PTPN12: variants seen among roughly 807,000 people sequenced by gnomAD.
The protein encoded by PTPN12 is tyrosine-protein phosphatase non-receptor type 12.
Under a neutral mutation model 97.6 loss-of-function variants are expected in PTPN12, and 29 were observed. The ratio of observed to expected loss-of-function variants is 0.30; its 90% CI spans 0.22 to 0.41. The LOEUF is 0.41. Ranked by LOEUF, PTPN12 falls within the 10% of genes least tolerant of loss-of-function variation. The probability of loss-of-function intolerance (pLI) is 1.00; values close to 1 mark genes in which losing one functional copy is unlikely to be tolerated. For missense variants in PTPN12, 819 were observed against 926.0 expected, an observed-to-expected ratio of 0.88 and a Z score of 1.50; for synonymous variants, 327 against 300.4, an observed-to-expected ratio of 1.09 and a Z score of -0.91.
chr7:77,537,655 T>C lies in PTPN12; in HGVS notation c.99+10T>C. ...CGCCCGGGACTTCATGGTGAGTCTC[T>C]CCCCTCGCTGTCGCGTTTTCTTGCC... On this transcript the variant is annotated intron_variant, in intron 1 of 17. Transcript: ENST00000248594. The C allele has an allele frequency of 7.6e-6, 12 of 1,582,262 alleles. No homozygotes were observed. The highest frequency in any genetic ancestry group is 1.0e-5 in the Non-Finnish European group (12 of 1,165,992).
At chr7:77,635,529 T>C (rs1789558046) in intron 14 of PTPN12, among the ~76,000 whole-genome samples, 1 of 152,224 alleles carries the variant, frequency 6.6e-6, no homozygotes, top group African/African-American at 2.4e-5. Context: ...ACATTATCTA[T>C]AGACTGTAAT....
intron 9 of PTPN12, among the ~76,000 whole-genome samples, chr7:77,609,485 G>A (rs906393787): frequency 3.0e-4 from 46 of 151,410 alleles, no homozygotes; most frequent in African/African-American, 1.0e-3. Flanking sequence ...TTTCGGGCTG[G>A]TCTCAAACTC....
intron 2 of PTPN12, among the ~76,000 whole-genome samples, chr7:77,571,596 T>C (rs1787139051): frequency 6.6e-6 from 1 of 152,218 alleles, no homozygotes; most frequent in African/African-American, 2.4e-5. Context: ...AAATGAAGCA[T>C]AGGATGACTC....
intron 1 of PTPN12, among the ~76,000 whole-genome samples, chr7:77,547,939 G>C (rs1325162682): frequency 2.0e-5 from 3 of 152,200 alleles, no homozygotes; most frequent in Admixed American, 2.0e-4. Flanking sequence ...AGGAATATCA[G>C]CTTAAATGCT....
At chr7:77,599,979 T>A (rs534952697) in intron 7 of PTPN12, among the ~76,000 whole-genome samples, 2 of 152,186 alleles carry the variant, frequency 1.3e-5, no homozygotes, top group Non-Finnish European at 2.9e-5. Context: ...GAGAAATTTT[T>A]AAAAAACATG....
intron 1 of PTPN12, chr7:77,538,772 T>C (rs1806801967): frequency 6.6e-6 from 1 of 152,070 alleles, no homozygotes; most frequent in African/African-American, 2.4e-5. Context: ...TAGGGTTGTT[T>C]CCCGGCTTAG....
chr7:77,625,524 A>ACTCTCTCT (rs753369979), intron 12 of PTPN12, among the ~76,000 whole-genome samples: 1 of 17,016 alleles, frequency 5.9e-5, no homozygotes, highest in East Asian at 2.1e-3. Flanking sequence ...TCTCTCTCTC[A>ACTCTCTCT]CTCTCACTCT....
rs565806337 is a variant in PTPN12 at position 77,556,928 on chromosome 7, C to T, written c.100-14150C>T. Among the ~76,000 whole-genome samples the T allele has an allele frequency of 7.2e-4, 109 of 151,656 alleles. 1 individual carries two copies. The highest frequency in any genetic ancestry group is 1.4e-3 in the Non-Finnish European group (93 of 67,920). On this transcript the variant is annotated intron_variant, in intron 1 of 17. Transcript: ENST00000248594. ...AGGTAAAACAAAAATGTGGGGTCCC[C>T]TTTGGATTGGGTACACCAGGAGTTT...
intron 9 of PTPN12, among the ~76,000 whole-genome samples, chr7:77,608,067 T>C (rs1788436609): frequency 6.6e-6 from 1 of 152,204 alleles, no homozygotes; most frequent in African/African-American, 2.4e-5. Context: ...TTGCCTTTTA[T>C]GTTTACTCTA....
intron 4 of PTPN12, 184 bp from the exon 5 acceptor site, chr7:77,585,359 C>T (rs1787656060): frequency 1.8e-5 from 9 of 510,292 alleles, no homozygotes; most frequent in South Asian, 9.0e-5. Context: ...GTATAGTTAG[C>T]CCTTGTTTGG....
Position 77,626,877 on chromosome 7 carries a change from C to G in PTPN12, c.1198C>G (p.Gln400Glu), listed in dbSNP as rs761499611. Residue 400 changes from glutamine (Q) to glutamate (E), a missense_variant, in exon 13 of 18, where the codon CAA becomes GAA. By Grantham distance (29) the Gln-to-Glu change is conservative. This residue lies in a region of PTPN12 where 607 missense variants were observed against 577.3 expected (regional missense o/e 1.05). Coordinates refer to ENST00000248594, the MANE Select transcript of PTPN12 (RefSeq NM_002835.4). ...KPVLHMVSSE[Q>E]HSADLNRNYS... ...AGTGTTGCATATGGTTTCATCAGAA[C>G]AACATTCAGCAGACCTCAACAGAAA... 1.9e-6 allele frequency: 3 copies of G among 1,612,862 alleles called. No individual in the cohort carries two copies. Among genetic ancestry groups the G allele is most frequent in the Non-Finnish European group, 2.5e-6 (3 of 1,179,034 alleles).
At chr7:77,587,949 T>C (rs114353337) in intron 5 of PTPN12, among the ~76,000 whole-genome samples, 1 of 152,310 alleles carries the variant, frequency 6.6e-6, no homozygotes, top group African/African-American at 2.4e-5. Context: ...TCACACTTTA[T>C]AGAAATGAAG....
intron 1 of PTPN12, among the ~76,000 whole-genome samples, chr7:77,567,832 A>G (rs1303115981): frequency 1.3e-5 from 2 of 152,220 alleles, no homozygotes; most frequent in African/African-American, 2.4e-5. Context: ...TTATTGAGCC[A>G]TTTTATGTAC....
intron 1 of PTPN12, among the ~76,000 whole-genome samples, chr7:77,554,575 CCTTT>C (rs983846903): frequency 1.8e-4 from 27 of 152,040 alleles, no homozygotes; most frequent in African/African-American, 9.7e-5. Flanking sequence ...ATTTCTTCTT[CCTTT>C]CTTTATGTAG....
intron 1 of PTPN12, among the ~76,000 whole-genome samples, chr7:77,557,356 G>A (rs984082421): frequency 6.6e-5 from 10 of 152,182 alleles, no homozygotes; most frequent in African/African-American, 2.2e-4. Flanking sequence ...GAAGTTTGCT[G>A]TGTGAGTGTT....
chr7:77,595,975 T>C (rs908186458), intron 6 of PTPN12, among the ~76,000 whole-genome samples: 1 of 152,202 alleles, frequency 6.6e-6, no homozygotes, highest in Non-Finnish European at 1.5e-5. Context: ...TTCTTCCCTC[T>C]TCCTTCTTCA....
In PTPN12 at chr7:77,594,964, GT is replaced by G. The variant is rs1246351754; in HGVS notation, c.492+2711del. 2.0e-5 allele frequency among the ~76,000 whole-genome samples: 3 copies of G among 152,292 alleles called. No homozygotes were observed. In the East Asian group the frequency reaches 5.8e-4, roughly 29 times the overall value. On this transcript the variant is annotated intron_variant, in intron 6 of 17. Coordinates refer to ENST00000248594, the MANE Select transcript of PTPN12 (RefSeq NM_002835.4). ...AATGGATATAAGGCAGAATGCAATA[GT>G]TTATAATGTAGAAAATGAATTGATT...
rs953098975 is a variant in PTPN12, at chr7:77,604,950, A to G, written c.696-2285A>G. ...TTCACTGTTATGTAAGAAATGTTAC[A>G]TGTACTCAGATCTGTTCCTGAACTT... is the stretch of plus-strand genomic sequence containing the variant. On this transcript the variant is annotated intron_variant, in intron 8 of 17. Transcript: ENST00000248594. 3 of 379,194 alleles carry G rather than the reference A, an allele frequency of 7.9e-6. No homozygotes were observed. In the East Asian group the frequency reaches 2.5e-4, roughly 31 times the overall value. 23.5% of individuals were successfully genotyped at this position (379,194 alleles called of 1,614,324 possible). A position where few individuals can be genotyped will look rare whatever the true frequency, so the allele number is the denominator to read the frequency against.
intron 3 of PTPN12, among the ~76,000 whole-genome samples, chr7:77,582,775 C>T (rs2151332469): frequency 7.1e-6 from 1 of 140,442 alleles, no homozygotes; most frequent in East Asian, 2.1e-4. Flanking sequence ...CAGAGCAAGA[C>T]TCCGTCTCAA....
Sources: allele counts gnomAD v4.1 joint callset (sites outside exome capture counted in the v4.1 genomes callset), GRCh38; gene constraint gnomAD v4.1.1; regional missense constraint gnomAD v4.1.1; transcripts MANE v1.5; gene names NCBI Gene and HGNC (gene_info 2026-07-23, HGNC 2026-07-21).